The following EMC8 variants were observed in gnomAD, a reference collection of about 807,000 sequenced individuals.
EMC8 encodes the protein ER membrane protein complex subunit 8, also known as COX4 neighbor.
In EMC8, 11 loss-of-function variants were observed where a neutral mutation model predicts 24.3. The ratio of observed to expected loss-of-function variants is 0.45; its 90% confidence interval spans 0.28 to 0.75. EMC8 has a LOEUF of 0.75. EMC8 is among the 30% of genes least tolerant of loss of function. The pLI, the probability that EMC8 is intolerant of heterozygous loss-of-function variation, is 0.12. For synonymous variants in EMC8, 145 were observed against 117.7 expected, an observed-to-expected ratio of 1.23 and a Z score of -1.50; for missense variants, 277 against 282.7, an observed-to-expected ratio of 0.98 and a Z score of 0.14.
intron 1 of EMC8, 77 bp from the exon 2 acceptor site, chr16:85,789,127 C>G: frequency 1.1e-6 from 1 of 893,276 alleles, no homozygotes; most frequent in Non-Finnish European, 1.9e-6. Flanking sequence ...ACAGATCTCA[C>G]TGCCACATGC....
intron 1 of EMC8, among the ~76,000 whole-genome samples, chr16:85,789,252 C>T (rs1904896141): frequency 6.6e-6 from 1 of 152,212 alleles, no homozygotes; most frequent in Non-Finnish European, 1.5e-5. Context: ...GAATGACTAT[C>T]TTCCTCAGTC....
intron 2 of EMC8, among the ~76,000 whole-genome samples, chr16:85,787,412 T>C (rs1567829449): frequency 6.6e-6 from 1 of 152,184 alleles, no homozygotes; most frequent in Non-Finnish European, 1.5e-5. Flanking sequence ...ACAGCCTGTG[T>C]TTGCACTGTC....
rs752205006 is a variant in EMC8 at position 85,799,098 on chromosome 16, G to A, written c.198C>T (p.Ala66=). 2 of 1,571,036 alleles carry A rather than the reference G, an allele frequency of 1.3e-6. No individual in the cohort carries two copies. The highest frequency in any genetic ancestry group is 1.7e-6 in the Non-Finnish European group (2 of 1,158,356). The change falls in exon 1 of 5, where the codon GCC becomes GCT. Residue 66 remains alanine (A), a synonymous_variant. Coordinates refer to ENST00000253457, the MANE Select transcript of EMC8 (RefSeq NM_006067.5). This position sits in a 1 kb window ranked among gnomAD's most constrained non-coding sequence, Gnocchi z 4.2. The part of the protein sequence containing the change: ...DCIPLFHGTL[A]LAPMLEVALT... ...GAGCCACCTCCAGCATGGGGGCGAG[G>A]GCCAGGGTGCCGTGGAAGAGGGGGA...
rs2152071578 is a variant in EMC8 at position 85,778,857 on chromosome 16, C to G, written c.*851G>C. ...TAAACGTACCATAAAGTTTCCCTCT[C>G]AATTCCCTAAGGTTTGGTTACAAAA... On this transcript the variant is annotated 3_prime_UTR_variant, in exon 5 of 5. Coordinates refer to ENST00000253457, the MANE Select transcript of EMC8 (RefSeq NM_006067.5). The G allele has an allele frequency of 6.6e-6, 1 of 152,314 alleles. No homozygotes were observed. The highest frequency in any genetic ancestry group is 2.1e-4 in the South Asian group (1 of 4,820). The allele number at this position is 152,314 out of a possible 1,614,324, so 9.4% of individuals were successfully genotyped here.
At chr16:85,791,088 A>T (rs1480336099) in intron 1 of EMC8, among the ~76,000 whole-genome samples, 1 of 151,952 alleles carries the variant, frequency 6.6e-6, no homozygotes, top group Non-Finnish European at 1.5e-5. Flanking sequence ...TTGGCCTCCC[A>T]AAGTGCTGAG....
chr16:85,786,223 C>T (rs1904747290), intron 2 of EMC8, among the ~76,000 whole-genome samples: 1 of 152,204 alleles, frequency 6.6e-6, no homozygotes, highest in South Asian at 2.1e-4. Context: ...AGTAAGTCAC[C>T]TAGAATTTGA....
intron 2 of EMC8, 75 bp downstream of exon 2, chr16:85,788,899 A>G: frequency 9.1e-7 from 1 of 1,102,254 alleles, no homozygotes; most frequent in African/African-American, 1.6e-5. Context: ...TATCTGGCCG[A>G]AAAGCACACG....
intron 1 of EMC8, among the ~76,000 whole-genome samples, chr16:85,797,472 G>A (rs758423104): frequency 1.6e-4 from 24 of 152,190 alleles, no homozygotes; most frequent in Non-Finnish European, 3.5e-4. Flanking sequence ...CCCCAGTGGT[G>A]TTTCAGTAAT....
At chr16:85,794,699 G>A (rs572112175) in intron 1 of EMC8, among the ~76,000 whole-genome samples, 16 of 152,280 alleles carry the variant, frequency 1.1e-4, no homozygotes, top group South Asian at 8.3e-4. Context: ...GGAAAAGTCA[G>A]TATAAATAAC....
At chr16:85,783,143 A>C (rs1292149503) in intron 2 of EMC8, among the ~76,000 whole-genome samples, 8 of 152,144 alleles carry the variant, frequency 5.3e-5, no homozygotes, top group African/African-American at 1.9e-4. Flanking sequence ...TCTCTACTAA[A>C]AATATAAAAA....
chr16:85,779,818 G>A lies in EMC8; in HGVS notation c.523C>T (p.Leu175=), dbSNP rs1904403762. Residue 175 remains leucine (L), a synonymous_variant, in exon 5 of 5, where the codon CTG becomes TTG. Transcript: ENST00000253457. ...PEAQRISASL[L]DSRSYETLVD... ...AGCGTCTCGTAGGACCGGCTGTCCAGGAGCGAGGCTGAGATCCTCTGTGCC... is the reference window on the plus strand; with the variant it reads ...AGCGTCTCGTAGGACCGGCTGTCCAAGAGCGAGGCTGAGATCCTCTGTGCC... The A allele has an allele frequency of 6.2e-7, 1 of 1,614,038 alleles. No homozygotes were observed. Among genetic ancestry groups the A allele is most frequent in the Non-Finnish European group, 8.5e-7 (1 of 1,180,024 alleles).
At chr16:85,792,047 C>T (rs973300835) in intron 1 of EMC8, among the ~76,000 whole-genome samples, 3 of 152,082 alleles carry the variant, frequency 2.0e-5, no homozygotes, top group African/African-American at 7.2e-5. Flanking sequence ...TCCTGAAGAC[C>T]CCCAGCAGCA....
intron 1 of EMC8, among the ~76,000 whole-genome samples, chr16:85,795,889 GA>G (rs1905226375): frequency 6.6e-6 from 1 of 152,162 alleles, no homozygotes; most frequent in Non-Finnish European, 1.5e-5. Flanking sequence ...GGCAGTGTCA[GA>G]ACAGAATGCG....
At position 85,781,240 on chromosome 16, in the gene EMC8, C is replaced by G. The variant is rs763964625; in HGVS notation, c.349G>C (p.Glu117Gln). Residue 117 changes from glutamate to glutamine, a missense_variant, in exon 3 of 5, where the codon GAG becomes CAG. Physicochemically the swap from Glu to Gln is conservative, Grantham distance 29 (BLOSUM62 2). Coordinates refer to ENST00000253457, the MANE Select transcript of EMC8 (RefSeq NM_006067.5). The stretch of plus-strand genomic sequence containing the variant: ...ATGAGCGCAGTGTCGCTGAAGCCCT[C>G]GGCGATTCTGGAGGCCACCTTCTCT... ...VAEKVASRIAEGFSDTALIMV... is the reference protein window; with the variant it reads ...VAEKVASRIAQGFSDTALIMV... 1.9e-6 allele frequency: 3 copies of G among 1,613,880 alleles called. No homozygotes were observed. The highest frequency in any genetic ancestry group is 2.5e-6 in the Non-Finnish European group (3 of 1,179,836).
intron 2 of EMC8, among the ~76,000 whole-genome samples, chr16:85,785,227 G>A (rs953417350): frequency 6.6e-6 from 1 of 152,236 alleles, no homozygotes; most frequent in Admixed American, 6.5e-5. Context: ...GATTACAGGT[G>A]TGATCCAACA....
chr16:85,779,502 G>C lies in EMC8; in HGVS notation c.*206C>G. ...ACAACTGAGAGAGTCCACAGGGACA[G>C]TCAGACGGGATGTCTGCACCTCTTC... is the stretch of plus-strand genomic sequence containing the variant. On this transcript the variant is annotated 3_prime_UTR_variant, in exon 5 of 5. Coordinates refer to ENST00000253457, the MANE Select transcript of EMC8 (RefSeq NM_006067.5). The C allele has an allele frequency of 1.9e-6, 1 of 537,174 alleles. No individual in the cohort carries two copies. The highest frequency in any genetic ancestry group is 2.1e-5 in the South Asian group (1 of 46,632). 33.3% of individuals were successfully genotyped at this position (537,174 alleles called of 1,614,324 possible). A position where few individuals can be genotyped will look rare whatever the true frequency, so the allele number is the denominator to read the frequency against.
chr16:85,781,012 T>C (rs1206197109), intron 3 of EMC8, 199 bp downstream of exon 3: 1 of 581,516 alleles, frequency 1.7e-6, no homozygotes, highest in Admixed American at 3.0e-5. Context: ...CTCCCACTTG[T>C]GTAGTGATGC....
At position 85,781,470 on chromosome 16, in the gene EMC8, G is replaced by C. The variant is rs1904495399; in HGVS notation, c.309-190C>G. On this transcript the variant is annotated intron_variant, in intron 2 of 4. Transcript: ENST00000253457. ...GGTAGAGATAGGGTCTTGCTCTGCT[G>C]CCCTAGCTGGAGTGTAGTGACGCAA... 5.5e-6 allele frequency: 3 copies of C among 546,884 alleles called. No homozygotes were observed. In the East Asian group the frequency reaches 9.5e-5, roughly 17 times the overall value. 33.9% of individuals were successfully genotyped at this position (546,884 alleles called of 1,614,324 possible).
chr16:85,780,518 A>C, intron 3 of EMC8, 45 bp from the exon 4 acceptor site: 1 of 1,470,794 alleles, frequency 6.8e-7, no homozygotes, highest in Non-Finnish European at 9.5e-7. Flanking sequence ...AATGCCAGCC[A>C]AACAGCAGCG....
Sources: gnomAD v4.1 joint callset for allele counts (sites outside exome capture counted in the v4.1 genomes callset) on GRCh38, gnomAD v4.1.1 for gene constraint, Gnocchi (gnomAD v3.1) non-coding constraint, MANE v1.5 for transcripts, NCBI Gene and HGNC (gene_info 2026-07-23, HGNC 2026-07-21) for gene names.